COL4A4: variants seen among roughly 807,000 people sequenced by gnomAD.
COL4A4 encodes collagen type IV alpha 4 chain.
Under a neutral mutation model 192.9 loss-of-function variants are expected in COL4A4, and 105 were observed. The observed-to-expected ratio is 0.54, with a 90% CI of 0.46 to 0.64. COL4A4 has a LOEUF of 0.64. Among genes scored for constraint, COL4A4 ranks in the 30% least tolerant of loss-of-function variants. The pLI is 0.00. For synonymous variants in COL4A4, 762 were observed against 769.9 expected (o/e 0.99, Z 0.17); for missense variants, 1,967 against 2,169.3 (o/e 0.91, Z 1.85).
chr2:227,036,450 A>C (rs182317871), intron 37 of COL4A4, among the ~76,000 whole-genome samples: 12 of 152,318 alleles, frequency 7.9e-5, no homozygotes, highest in Non-Finnish European at 1.5e-4. Flanking sequence ...CTACATCCTG[A>C]AATACCCACT....
chr2:227,021,950 G>T, intron 44 of COL4A4, 98 bp downstream of exon 44: 1 of 1,404,514 alleles, frequency 7.1e-7, no homozygotes, highest in African/African-American at 1.4e-5. Context: ...CTCCTCAGTA[G>T]TTTAGGCTCC....
intron 25 of COL4A4, among the ~76,000 whole-genome samples, chr2:227,071,946 C>G (rs2058747299): frequency 6.6e-6 from 1 of 151,910 alleles, no homozygotes; most frequent in African/African-American, 2.4e-5. Context: ...ATCAAAAAGT[C>G]TGAAAAAGCA....
chr2:227,000,326 G>A (rs1354382462), downstream of COL4A4, among the ~76,000 whole-genome samples: 2 of 152,174 alleles, frequency 1.3e-5, no homozygotes, highest in African/African-American at 4.8e-5. Context: ...AGGCACCAAA[G>A]TACTTCTCAA....
chr2:227,074,178 A>G (rs1318417976), intron 25 of COL4A4, among the ~76,000 whole-genome samples: 1 of 152,170 alleles, frequency 6.6e-6, no homozygotes, highest in Non-Finnish European at 1.5e-5. Context: ...TGCGGAATCT[A>G]CAAAGAACTC....
intron 28 of COL4A4, 55 bp downstream of exon 28, chr2:227,059,350 C>A (rs1976293327): frequency 1.4e-6 from 2 of 1,413,102 alleles, no homozygotes; most frequent in Non-Finnish European, 2.0e-6. Context: ...CTTCAGTGAC[C>A]TGTTCCAAAA....
rs372146953 is a variant in COL4A4, at chr2:227,006,437, C to T, written c.*888G>A. ...CACGCACCTGTGACACGCCGGACCC[C>T]GACTGGGGAAAAGCAGTCTGTCTGG... On this transcript the variant is annotated 3_prime_UTR_variant, in exon 48 of 48. Coordinates refer to ENST00000396625, the MANE Select transcript of COL4A4 (RefSeq NM_000092.5). The T allele has an allele frequency of 3.3e-5, 5 of 152,598 alleles. No homozygotes were observed. Among genetic ancestry groups the T allele is most frequent in the Non-Finnish European group, 5.9e-5 (4 of 68,048 alleles). 9.5% of individuals were successfully genotyped at this position (152,598 alleles called of 1,614,324 possible). A position where few individuals can be genotyped will look rare whatever the true frequency, so the allele number is the denominator to read the frequency against.
At chr2:227,139,997 A>T (rs1311684548) in intron 4 of COL4A4, among the ~76,000 whole-genome samples, 164 bp downstream of exon 4, 1 of 152,210 alleles carries the variant, frequency 6.6e-6, no homozygotes, top group Non-Finnish European at 1.5e-5. Context: ...GGACTGTCTA[A>T]TATAGTTGAG....
rs1021304939 is a variant in COL4A4, at chr2:227,057,319, A to T, written c.2545+120T>A. Reference sequence around the variant, plus strand: ...CCAACATGAAACTCATGAGTAACGAAGTCCTTTGTCTCTGACTCAGGACTC... The same window carrying T: ...CCAACATGAAACTCATGAGTAACGATGTCCTTTGTCTCTGACTCAGGACTC... On this transcript the variant is annotated intron_variant, in intron 29 of 47. Transcript: ENST00000396625. 1.2e-5 allele frequency: 14 copies of T among 1,176,844 alleles called. No homozygotes were observed. The African/African-American group carries it at 1.2e-4, about 10-fold the overall frequency. The allele number at this position is 1,176,844 out of a possible 1,614,324, so 72.9% of individuals were successfully genotyped here. A position where few individuals can be genotyped will look rare whatever the true frequency, so the allele number is the denominator to read the frequency against.
chr2:227,128,892 A>C (rs542654765), intron 4 of COL4A4, among the ~76,000 whole-genome samples: 8 of 152,154 alleles, frequency 5.3e-5, no homozygotes, highest in African/African-American at 1.9e-4. Flanking sequence ...CAATGGGGAC[A>C]ATCTCCTTTC....
chr2:227,057,227 G>A (rs1975623770), intron 29 of COL4A4, among the ~76,000 whole-genome samples: 1 of 152,158 alleles, frequency 6.6e-6, no homozygotes, highest in African/African-American at 2.4e-5. Flanking sequence ...AACCCACTGT[G>A]TGTGTGGCCA....
chr2:227,114,510 G>T lies in COL4A4; in HGVS notation c.558+118C>A, dbSNP rs78106309. On this transcript the variant is annotated intron_variant, in intron 8 of 47. Transcript: ENST00000396625. ...TGCCATCCCTGAGGGTCAGGGTAAT[G>T]ATAAAAATTGGTGTATTCAGGGACA... The T allele has an allele frequency of 0.01, 8,529 of 831,112 alleles. 474 individuals are homozygous for T. The African/African-American group carries it at 0.12, about 12-fold the overall frequency. 51.5% of individuals were successfully genotyped at this position (831,112 alleles called of 1,614,324 possible).
At chr2:227,060,382 G>T in intron 26 of COL4A4, 139 bp from the exon 27 acceptor site, 1 of 610,374 alleles carries the variant, frequency 1.6e-6, no homozygotes, top group Non-Finnish European at 2.8e-6. Context: ...TGCCTATCCC[G>T]ATTTACAAAA....
chr2:227,071,590 G>A (rs1431565604), intron 25 of COL4A4, among the ~76,000 whole-genome samples: 2 of 152,094 alleles, frequency 1.3e-5, no homozygotes, highest in East Asian at 3.8e-4. Context: ...AAGATCTGCA[G>A]GATATACATT....
rs2150476732 is a variant in COL4A4 at position 227,078,018 on chromosome 2, TG to T, written c.1862del (p.Pro621GlnfsTer32). ...GGGGCCCCACAGGTCCTGCTTTGCC[TG>T]GGGGGCCCAGAGGTCCAGGAAATCC... ...GKGFPGPLGPPGKAGPVGPPG... is the reference protein window; with the variant it reads ...GKGFPGPLGPXGKAGPVGPPG... On this transcript the variant is annotated frameshift_variant, in exon 25 of 48. Transcript: ENST00000396625. LOFTEE classifies it high-confidence loss of function. The T allele has an allele frequency of 6.2e-7, 1 of 1,613,968 alleles. No individual in the cohort carries two copies. Among genetic ancestry groups the T allele is most frequent in the Non-Finnish European group, 8.5e-7 (1 of 1,179,998 alleles).
chr2:227,127,969 T>C (rs557742755), intron 4 of COL4A4, among the ~76,000 whole-genome samples: 3 of 152,298 alleles, frequency 2.0e-5, no homozygotes, highest in South Asian at 4.1e-4. Context: ...ACATTTATCA[T>C]AAAAAATGTC....
chr2:227,089,254 A>G (rs1036361705), intron 21 of COL4A4, among the ~76,000 whole-genome samples: 2 of 152,174 alleles, frequency 1.3e-5, no homozygotes, highest in Non-Finnish European at 2.9e-5. Context: ...TACATGAAGA[A>G]GGATTTTGAT....
At chr2:227,125,355 C>T (rs750193691) in intron 4 of COL4A4, among the ~76,000 whole-genome samples, 15 of 151,982 alleles carry the variant, frequency 9.9e-5, no homozygotes, top group Non-Finnish European at 1.9e-4. Context: ...ACCACAGGCG[C>T]GCGCCATCAC....
intron 4 of COL4A4, among the ~76,000 whole-genome samples, chr2:227,124,465 T>C (rs2061975010): frequency 6.6e-6 from 1 of 152,230 alleles, no homozygotes; most frequent in Non-Finnish European, 1.5e-5. Context: ...GCCTAAATTT[T>C]ACAAATCAAA....
rs537557592 is a variant in COL4A4, at chr2:227,109,264, G to A, written c.617C>T (p.Pro206Leu). The change falls in exon 10 of 48, where the codon CCG (proline) becomes CTG (leucine). Residue 206 changes from proline to leucine, a missense_variant. Coordinates refer to ENST00000396625, the MANE Select transcript of COL4A4 (RefSeq NM_000092.5). ...TCCAGGATATCCTGTGGGACCTGCC[G>A]GTCCTCCTGCACCCCAAGATCCCTA... Reference protein sequence around the residue: ...GLPGSWGAGGPAGPTGYPGEP... With the variant: ...GLPGSWGAGGLAGPTGYPGEP... 1.2e-5 allele frequency: 20 copies of A among 1,613,992 alleles called. No individual in the cohort carries two copies. Among genetic ancestry groups the A allele is most frequent in the African/African-American group, 5.3e-5 (4 of 75,024 alleles).
Sources: allele counts gnomAD v4.1 joint callset (sites outside exome capture counted in the v4.1 genomes callset), GRCh38; gene constraint gnomAD v4.1.1; transcripts MANE v1.5; gene names NCBI Gene and HGNC (gene_info 2026-07-23, HGNC 2026-07-21).